Variants in GREB1L observed in about 807,000 individuals in gnomAD.
GREB1L encodes GREB1-like protein.
Under a neutral mutation model 200.8 loss-of-function variants are expected in GREB1L, and 17 were observed. That is an observed-to-expected ratio of 0.08 (90% CI 0.06 to 0.13). The LOEUF is 0.13. GREB1L is among the 10% of genes least tolerant of loss of function. The probability of loss-of-function intolerance (pLI) is 1.00; values close to 1 mark genes in which losing one functional copy is unlikely to be tolerated. For synonymous variants in GREB1L, 789 were observed against 893.0 expected, an observed-to-expected ratio of 0.88 and a Z score of 2.08; for missense variants, 1,657 against 2,367.7, an observed-to-expected ratio of 0.70 and a Z score of 6.23.
At chr18:21,428,940 A>G (rs1041288367) in intron 7 of GREB1L, among the ~76,000 whole-genome samples, 27 of 151,188 alleles carry the variant, frequency 1.8e-4, no homozygotes, top group Admixed American at 1.4e-3. Context: ...CTGGTCTCGA[A>G]CTCCTGACCT....
At chr18:21,517,988 C>A in intron 30 of GREB1L, 46 bp from the exon 31 acceptor site, 1 of 1,429,068 alleles carries the variant, frequency 7.0e-7, no homozygotes. Flanking sequence ...CCTGTTTAAT[C>A]CAGTGACAGA....
At position 21,316,059 on chromosome 18, in the gene GREB1L, A is replaced by G. The variant is rs555729312; in HGVS notation, c.-119-49968A>G. Among the ~76,000 whole-genome samples the G allele has an allele frequency of 1.2e-4, 19 of 152,240 alleles. 1 individual carries two copies. Among genetic ancestry groups the G allele is most frequent in the Non-Finnish European group, 7.4e-5 (5 of 68,014 alleles). On this transcript the variant is annotated intron_variant, in intron 1 of 32. Transcript: ENST00000424526. ...ATCGTGGCATTTCAGGACTCCAAGT[A>G]CTGTGAGAATTGGTCTAGAAGGATG...
At chr18:21,464,402 G>A (rs1380442033) in intron 15 of GREB1L, among the ~76,000 whole-genome samples, 1 of 151,858 alleles carries the variant, frequency 6.6e-6, no homozygotes. Context: ...AAATTAGCCG[G>A]GCGTAGTGGC....
chr18:21,474,203 A>T (rs1310527055), intron 16 of GREB1L, among the ~76,000 whole-genome samples: 1 of 152,174 alleles, frequency 6.6e-6, no homozygotes, highest in Non-Finnish European at 1.5e-5. Flanking sequence ...TTAACCCAAA[A>T]ATCCAAGTCC....
intron 1 of GREB1L, among the ~76,000 whole-genome samples, chr18:21,257,862 A>C (rs1252693959): frequency 2.6e-5 from 4 of 152,236 alleles, no homozygotes; most frequent in Non-Finnish European, 4.4e-5. Context: ...CACATTGTGC[A>C]CATATCATTT....
chr18:21,515,800 G>C (rs746906958), intron 29 of GREB1L, among the ~76,000 whole-genome samples, 156 bp downstream of exon 29: 9 of 152,158 alleles, frequency 5.9e-5, no homozygotes, highest in Non-Finnish European at 1.3e-4. Flanking sequence ...CCCAAAGTGT[G>C]CCCCTTTATC....
At chr18:21,522,621 C>G (rs946182014) in intron 32 of GREB1L, 37 bp from the exon 33 acceptor site, 40 of 1,462,462 alleles carry the variant, frequency 2.7e-5, no homozygotes, top group Non-Finnish European at 3.6e-5. Flanking sequence ...AATTCAATCC[C>G]TGAGCCTAGG....
chr18:21,508,096 C>A (rs2037089504), intron 25 of GREB1L, 22 bp from the exon 26 acceptor site: 1 of 1,549,910 alleles, frequency 6.5e-7, no homozygotes, highest in Non-Finnish European at 8.7e-7. Flanking sequence ...ACGTTCCCTC[C>A]CTTTCTTCTT....
chr18:21,511,772 G>A (rs1226380228), intron 27 of GREB1L, among the ~76,000 whole-genome samples: 1 of 152,172 alleles, frequency 6.6e-6, no homozygotes, highest in Non-Finnish European at 1.5e-5. Flanking sequence ...TCAGCCTCCT[G>A]AGTGGCTAGG....
At chr18:21,478,601 C>G (rs763188027) in intron 17 of GREB1L, among the ~76,000 whole-genome samples, 9 of 152,344 alleles carry the variant, frequency 5.9e-5, no homozygotes, top group Non-Finnish European at 1.2e-4. Context: ...GCAGGAAGCT[C>G]AGGTCCTTGA....
intron 1 of GREB1L, among the ~76,000 whole-genome samples, chr18:21,249,717 A>C (rs1355211005): frequency 6.6e-6 from 1 of 152,008 alleles, no homozygotes; most frequent in African/African-American, 2.4e-5. Flanking sequence ...AAAATTAGCC[A>C]GGCATCGTGG....
At chr18:21,422,652 A>G (rs928218958) in intron 7 of GREB1L, among the ~76,000 whole-genome samples, 3 of 152,200 alleles carry the variant, frequency 2.0e-5, no homozygotes, top group Non-Finnish European at 2.9e-5. Context: ...ACTGCCACAT[A>G]CTATCTGGAT....
At position 21,508,391 on chromosome 18, in the gene GREB1L, T is replaced by G. The variant is rs1402619330; in HGVS notation, c.4535T>G (p.Leu1512Trp). 1 of 1,551,460 alleles carries G rather than the reference T, an allele frequency of 6.4e-7. No homozygotes were observed. The highest frequency in any genetic ancestry group is 2.0e-5 in the Admixed American group (1 of 50,968). The part of the protein sequence containing the change: ...MRLPLVSDKN[L>W]NAVKSPIFTP... ...TGTTTTTTTCCCTTTCAGCAGAATT[T>G]GAATGCAGTCAAGAGCCCTATTTTC... is the stretch of plus-strand genomic sequence containing the variant. The change falls in exon 27 of 33, where the codon TTG becomes TGG. Residue 1512 changes from leucine (L) to tryptophan (W), a missense_variant. Leu to Trp is a moderately conservative substitution (Grantham distance 61). Around this residue, in one of 9 missense-constraint regions of GREB1L, gnomAD observed 151 missense variants for 309.6 expected, o/e 0.49. Coordinates refer to ENST00000424526, the MANE Select transcript of GREB1L (RefSeq NM_001142966.3).
At chr18:21,431,903 ATTTTTC>A (rs1445286435) in intron 7 of GREB1L, among the ~76,000 whole-genome samples, 1 of 109,724 alleles carries the variant, frequency 9.1e-6, no homozygotes. Flanking sequence ...CTTAGAGTCT[ATTTTTC>A]TTTTCTTTTC....
chr18:21,485,033 T>A (rs980835535), intron 17 of GREB1L, among the ~76,000 whole-genome samples: 3 of 152,182 alleles, frequency 2.0e-5, no homozygotes, highest in African/African-American at 2.4e-5. Context: ...TCTGAGGGCA[T>A]CCTTATGTCA....
intron 4 of GREB1L, among the ~76,000 whole-genome samples, chr18:21,391,673 G>C (rs560702021): frequency 2.6e-5 from 4 of 152,244 alleles, no homozygotes; most frequent in Admixed American, 1.3e-4. Context: ...TTCCTCAATC[G>C]TTGACTCACA....
intron 7 of GREB1L, among the ~76,000 whole-genome samples, chr18:21,426,973 C>CAAAAAAAAAAAAAAAA (rs56776768): frequency 1.2e-5 from 1 of 83,816 alleles, no homozygotes; most frequent in Non-Finnish European, 3.4e-5. Context: ...AAAAAAAAAA[C>CAAAAAAAAAAAAAAAA]AAAAAAAAAA....
intron 1 of GREB1L, among the ~76,000 whole-genome samples, chr18:21,253,847 T>TTTC (rs1205511035): frequency 2.7e-5 from 4 of 149,062 alleles, no homozygotes; most frequent in Admixed American, 6.7e-5. Flanking sequence ...TTTTTTTTTT[T>TTTC]CCCCTTAGAG....
chr18:21,298,172 G>T (rs2038560027), intron 1 of GREB1L, among the ~76,000 whole-genome samples: 1 of 152,096 alleles, frequency 6.6e-6, no homozygotes, highest in Admixed American at 6.6e-5. Context: ...TTATTCTTCA[G>T]GGCCAAGCTA....
Sources: gnomAD v4.1 joint callset for allele counts (sites outside exome capture counted in the v4.1 genomes callset) on GRCh38, gnomAD v4.1.1 for gene constraint, gnomAD v4.1.1 regional missense constraint, MANE v1.5 for transcripts, NCBI Gene and HGNC (gene_info 2026-07-23, HGNC 2026-07-21) for gene names.